ZC3HAV1: variants seen among roughly 807,000 people sequenced by gnomAD.
The protein encoded by ZC3HAV1 is zinc finger CCCH-type containing, antiviral 1.
In ZC3HAV1, 41 loss-of-function variants were observed where a neutral mutation model predicts 86.6. That is an observed-to-expected ratio of 0.47 (90% CI 0.37 to 0.61). The LOEUF (loss-of-function observed/expected upper bound fraction) is 0.61. ZC3HAV1 is among the 20% of genes least tolerant of loss of function. The probability of loss-of-function intolerance (pLI) is 0.00; values close to 1 mark genes in which losing one functional copy is unlikely to be tolerated. For missense variants in ZC3HAV1, 964 were observed against 1,141.1 expected, an observed-to-expected ratio of 0.84 and a Z score of 2.24; for synonymous variants, 421 against 432.1, an observed-to-expected ratio of 0.97 and a Z score of 0.32.
At chr7:139,088,974 C>T (rs1199990222) in intron 2 of ZC3HAV1, among the ~76,000 whole-genome samples, 2 of 151,902 alleles carry the variant, frequency 1.3e-5, no homozygotes, top group African/African-American at 4.8e-5. Context: ...TGGTGGCAGG[C>T]ACCTGTAATC....
chr7:139,106,555 A>G (rs531929944), intron 1 of ZC3HAV1, among the ~76,000 whole-genome samples: 1 of 152,338 alleles, frequency 6.6e-6, no homozygotes, highest in Middle Eastern at 3.4e-3. Flanking sequence ...CAGAGTTTGC[A>G]GTGAGCTGAG....
intron 1 of ZC3HAV1, among the ~76,000 whole-genome samples, chr7:139,094,551 T>G (rs1817527184): frequency 6.7e-6 from 1 of 150,098 alleles, no homozygotes; most frequent in South Asian, 2.1e-4. Flanking sequence ...GAATTGTCTC[T>G]CTTTAAGGAG....
In ZC3HAV1 at chr7:139,064,992, T is replaced by G. The variant is rs1816556021; in HGVS notation, c.1880A>C (p.Lys627Thr). The change falls in exon 8 of 13, where the codon AAA becomes ACA. Residue 627 changes from lysine to threonine, a missense_variant. Lys to Thr is a moderately conservative substitution (Grantham distance 78). Transcript: ENST00000242351. The part of the protein sequence containing the change: ...TWIQYGEEKD[K>T]RKNSNVDSSY... ...AGAGTCGACGTTTGAATTTTTCCGT[T>G]TGTCTTTCTAATTGGAAAAAAAATA... is the stretch of plus-strand genomic sequence containing the variant. 1 of 1,613,962 alleles carries G rather than the reference T, an allele frequency of 6.2e-7. No individual in the cohort carries two copies. The highest frequency in any genetic ancestry group is 1.3e-5 in the African/African-American group (1 of 74,928).
At position 139,062,075 on chromosome 7, in the gene ZC3HAV1, G is replaced by A. The variant is rs566403498; in HGVS notation, c.1994-937C>T. 2.6e-4 allele frequency among the ~76,000 whole-genome samples: 39 copies of A among 152,332 alleles called. 1 individual carries two copies. Among genetic ancestry groups the A allele is most frequent in the African/African-American group, 6.7e-4 (28 of 41,570 alleles). ...GCCTGTGATGGGGATAAAGTGAGGT[G>A]TATGTGGTGTTGCTGGGGAAACTGA... On this transcript the variant is annotated intron_variant, in intron 8 of 12. Transcript: ENST00000242351.
intron 12 of ZC3HAV1, among the ~76,000 whole-genome samples, chr7:139,051,007 C>T (rs1407886558): frequency 6.6e-6 from 1 of 152,266 alleles, no homozygotes; most frequent in African/African-American, 2.4e-5. Flanking sequence ...TACTCTATCT[C>T]TATCCTTGGG....
At chr7:139,075,165 G>A (rs1040101022) in intron 6 of ZC3HAV1, among the ~76,000 whole-genome samples, 3 of 152,178 alleles carry the variant, frequency 2.0e-5, no homozygotes, top group African/African-American at 7.2e-5. Context: ...TGCTGAGGTT[G>A]AGAAACCCGG....
In ZC3HAV1 at chr7:139,064,881, T is replaced by C. The variant is rs1395763642; in HGVS notation, c.1991A>G (p.Gln664Arg). ...AGSRNYELSF[Q>R]GMIQTNIASK... ...CACTGCCAAACACAGAAACCCACCT[T>C]GGAAACTCAGCTCATAGTTCCGTGA... Residue 664 changes from glutamine (Q) to arginine (R), a missense_variant and splice_region_variant, in exon 8 of 13, where the codon CAA (glutamine) becomes CGA (arginine). Physicochemically the swap from Gln to Arg is conservative, Grantham distance 43. Transcript: ENST00000242351. 1.2e-6 allele frequency: 2 copies of C among 1,614,072 alleles called. No individual in the cohort carries two copies. Among genetic ancestry groups the C allele is most frequent in the Admixed American group, 3.3e-5 (2 of 60,012 alleles).
Position 139,053,988 on chromosome 7 carries a change from T to C in ZC3HAV1, c.2295A>G (p.Ser765=). The C allele has an allele frequency of 6.2e-7, 1 of 1,605,450 alleles. No homozygotes were observed. The stretch of plus-strand genomic sequence containing the variant: ...ACCATGTAAATTTATCCAGGAGCTC[T>C]GAGTTCTCGATCTTCTTTATCTTTT... ...KIEKIKKIEN[S]ELLDKFTWKK... is the part of the protein sequence containing the mutation. The change falls in exon 11 of 13, where the codon TCA becomes TCG. Residue 765 remains serine, a synonymous_variant. Transcript: ENST00000242351.
At chr7:139,059,889 T>C (rs1314163517) in intron 9 of ZC3HAV1, among the ~76,000 whole-genome samples, 1 of 152,200 alleles carries the variant, frequency 6.6e-6, no homozygotes, top group Non-Finnish European at 1.5e-5. Flanking sequence ...TCGGAATGTG[T>C]TACCCAAGCA....
intron 11 of ZC3HAV1, 104 bp from the exon 12 acceptor site, chr7:139,053,685 T>A (rs1257966891): frequency 1.4e-6 from 2 of 1,428,266 alleles, no homozygotes; most frequent in East Asian, 2.4e-5. Flanking sequence ...TTTCACTCCA[T>A]CAGCTTTCAC....
At chr7:139,056,494 G>C (rs1323221971) in intron 9 of ZC3HAV1, among the ~76,000 whole-genome samples, 1 of 149,572 alleles carries the variant, frequency 6.7e-6, no homozygotes, top group African/African-American at 2.5e-5. Context: ...AACCTCCTGG[G>C]CTCAAGTGAT....
intron 8 of ZC3HAV1, among the ~76,000 whole-genome samples, chr7:139,064,077 CAT>C (rs1816528204): frequency 6.6e-6 from 1 of 152,226 alleles, no homozygotes. Context: ...TGTCACTTGA[CAT>C]GTACTGCCAG....
chr7:139,078,774 T>G (rs1742482306), intron 4 of ZC3HAV1, 121 bp from the exon 5 acceptor site: 2 of 821,236 alleles, frequency 2.4e-6, no homozygotes, highest in Admixed American at 3.5e-5. Context: ...AAAATTCCTA[T>G]GATTTATGTT....
chr7:139,105,914 CA>C (rs1025426900), intron 1 of ZC3HAV1, among the ~76,000 whole-genome samples: 17 of 145,098 alleles, frequency 1.2e-4, no homozygotes, highest in Admixed American at 2.1e-4. Context: ...GACCCGAGGA[CA>C]AAAAAAAAAT....
intron 12 of ZC3HAV1, chr7:139,049,487 A>G (rs888306558): frequency 2.0e-5 from 3 of 152,282 alleles, no homozygotes; most frequent in African/African-American, 4.8e-5. Context: ...TTGCTTCTTC[A>G]GTATCTTCTA....
rs1008014443 is a variant in ZC3HAV1 at position 139,044,744 on chromosome 7, G to A, written c.*2850C>T. On this transcript the variant is annotated 3_prime_UTR_variant, in exon 13 of 13. Transcript: ENST00000242351. ...TAAGAAATTACTCTGCACCCTATACGAATTTTGAATGTCTCACTAGACATT... is the reference window on the plus strand; with the variant it reads ...TAAGAAATTACTCTGCACCCTATACAAATTTTGAATGTCTCACTAGACATT... 6.6e-6 allele frequency: 1 copy of A among 152,538 alleles called. No homozygotes were observed. The highest frequency in any genetic ancestry group is 1.5e-5 in the Non-Finnish European group (1 of 68,022). The allele number at this position is 152,538 out of a possible 1,614,324, so 9.4% of individuals were successfully genotyped here. A position where few individuals can be genotyped will look rare whatever the true frequency, so the allele number is the denominator to read the frequency against.
intron 7 of ZC3HAV1, among the ~76,000 whole-genome samples, chr7:139,065,211 C>T (rs1563127838): frequency 6.6e-6 from 1 of 152,192 alleles, no homozygotes; most frequent in Non-Finnish European, 1.5e-5. Context: ...CCTGCAGAAA[C>T]TCACTACACA....
intron 7 of ZC3HAV1, among the ~76,000 whole-genome samples, chr7:139,072,450 G>C (rs1425366626): frequency 2.0e-5 from 3 of 152,158 alleles, no homozygotes; most frequent in Non-Finnish European, 2.9e-5. Flanking sequence ...GCCTCCCAAA[G>C]TGCTGGGATT....
intron 9 of ZC3HAV1, among the ~76,000 whole-genome samples, chr7:139,057,497 TTA>T (rs1353599509): frequency 1.3e-5 from 2 of 152,186 alleles, no homozygotes; most frequent in Non-Finnish European, 2.9e-5. Flanking sequence ...TCTTTGTACT[TTA>T]TGTTTGAAAT....
Sources: gnomAD v4.1 joint callset for allele counts (sites outside exome capture counted in the v4.1 genomes callset) on GRCh38, gnomAD v4.1.1 for gene constraint, MANE v1.5 for transcripts, NCBI Gene and HGNC (gene_info 2026-07-23, HGNC 2026-07-21) for gene names.